Variants in TNNI3K observed in about 807,000 individuals in gnomAD.
TNNI3K encodes serine/threonine-protein kinase TNNI3K.
A neutral mutation model predicts 114.5 loss-of-function variants in TNNI3K; 140 were observed. The observed-to-expected ratio is 1.22, with a 90% CI of 1.07 to 1.41. The LOEUF is 1.41. Among genes scored for constraint, TNNI3K ranks in the 40% most tolerant of loss-of-function variants. TNNI3K has a pLI of 0.00. For missense variants in TNNI3K, 1,125 were observed against 1,007.6 expected (o/e 1.12, Z -1.58); for synonymous variants, 347 against 347.5 (o/e 1.00, Z 0.02).
chr1:74,287,655 T>G (rs553578795), intron 5 of TNNI3K, among the ~76,000 whole-genome samples: 5 of 152,116 alleles, frequency 3.3e-5, no homozygotes, highest in Non-Finnish European at 5.9e-5. Context: ...AGAAAAGCCT[T>G]TTTGAAATTG....
intron 4 of TNNI3K, among the ~76,000 whole-genome samples, chr1:74,257,672 T>C (rs1655406538): frequency 7.3e-6 from 1 of 136,390 alleles, no homozygotes; most frequent in African/African-American, 2.7e-5. Context: ...TCTTTTTTTT[T>C]TTTTTTTTTT....
intron 5 of TNNI3K, among the ~76,000 whole-genome samples, chr1:74,276,894 G>T (rs941639322): frequency 1.3e-5 from 2 of 152,076 alleles, no homozygotes; most frequent in Non-Finnish European, 2.9e-5. Context: ...ACTACAATTT[G>T]GGACTCAGAT....
intron 20 of TNNI3K, among the ~76,000 whole-genome samples, chr1:74,452,867 C>T (rs184359199): frequency 6.6e-6 from 1 of 152,282 alleles, no homozygotes; most frequent in Non-Finnish European, 1.5e-5. Context: ...CATGTGTCCT[C>T]TCACCTCCAT....
intron 17 of TNNI3K, 34 bp downstream of exon 17, chr1:74,370,426 T>C (rs1342451225): frequency 1.3e-6 from 2 of 1,560,288 alleles, no homozygotes; most frequent in African/African-American, 2.7e-5. Flanking sequence ...CTCAGAAGGG[T>C]ATGACTAACT....
chr1:74,397,715 G>A (rs1004437648), intron 17 of TNNI3K, among the ~76,000 whole-genome samples: 4 of 152,198 alleles, frequency 2.6e-5, no homozygotes, highest in East Asian at 1.9e-4. Context: ...GATGGGATGA[G>A]TCTGTTTGTG....
intron 23 of TNNI3K, among the ~76,000 whole-genome samples, chr1:74,520,980 G>A (rs1048036356): frequency 6.6e-6 from 1 of 152,122 alleles, no homozygotes; most frequent in African/African-American, 2.4e-5. Flanking sequence ...GGTCCCTGTG[G>A]CAGTGTAGGG....
intron 20 of TNNI3K, among the ~76,000 whole-genome samples, chr1:74,453,324 G>A (rs1241257898): frequency 1.3e-5 from 2 of 152,140 alleles, no homozygotes. Flanking sequence ...ATTTTTCAAA[G>A]TTGGACAGTT....
Position 74,249,410 on chromosome 1 carries a change from A to G in TNNI3K, c.150-49A>G, listed in dbSNP as rs1034853358. 4 of 1,555,378 alleles carry G rather than the reference A, an allele frequency of 2.6e-6. No homozygotes were observed. The African/African-American group carries it at 4.1e-5, about 16-fold the overall frequency. On this transcript the variant is annotated intron_variant, in intron 2 of 24. Transcript: ENST00000326637. ...ATTTATAATTTTCAAATGAAAGACA[A>G]TATGCTAAAAGATGAATTTTGTGAT...
At chr1:74,489,740 T>A (rs1668955865) in intron 22 of TNNI3K, among the ~76,000 whole-genome samples, 1 of 152,194 alleles carries the variant, frequency 6.6e-6, no homozygotes, top group Non-Finnish European at 1.5e-5. Flanking sequence ...GCTAATGGAA[T>A]TTTCTTGCCT....
intron 11 of TNNI3K, among the ~76,000 whole-genome samples, chr1:74,364,591 T>C (rs540292725): frequency 2.0e-5 from 3 of 151,532 alleles, no homozygotes; most frequent in African/African-American, 4.8e-5. Context: ...GTCCTGTTTG[T>C]TGGAACTGTA....
At chr1:74,312,242 A>G (rs939301011) in intron 5 of TNNI3K, among the ~76,000 whole-genome samples, 3 of 152,232 alleles carry the variant, frequency 2.0e-5, no homozygotes, top group East Asian at 1.9e-4. Flanking sequence ...ATAAATCACT[A>G]TCAGTCTCAT....
chr1:74,290,135 A>G (rs1176772443), intron 5 of TNNI3K, among the ~76,000 whole-genome samples: 1 of 151,770 alleles, frequency 6.6e-6, no homozygotes, highest in Non-Finnish European at 1.5e-5. Flanking sequence ...CCACATCTGC[A>G]GGAATAAACT....
At chr1:74,422,761 C>CA (rs150800698) in intron 17 of TNNI3K, among the ~76,000 whole-genome samples, 3,183 of 150,218 alleles carry the variant, frequency 0.021, 99 homozygotes, top group African/African-American at 0.07. Flanking sequence ...TAAATCAAGA[C>CA]AAAAAAAAAC....
intron 17 of TNNI3K, among the ~76,000 whole-genome samples, chr1:74,389,454 G>A (rs1055655912): frequency 6.6e-6 from 1 of 152,112 alleles, no homozygotes; most frequent in Non-Finnish European, 1.5e-5. Flanking sequence ...ATATGGTAGA[G>A]GGCATTTGGA....
At chr1:74,463,318 CTT>C (rs1373513261) in intron 20 of TNNI3K, 121 bp from the exon 21 acceptor site, 14 of 1,017,458 alleles carry the variant, frequency 1.4e-5, no homozygotes, top group Non-Finnish European at 2.1e-5. Context: ...CTAGAGGTCT[CTT>C]TGAATGTCTG....
chr1:74,256,264 G>A (rs147576096), intron 4 of TNNI3K, among the ~76,000 whole-genome samples: 16 of 126,568 alleles, frequency 1.3e-4, no homozygotes, highest in East Asian at 5.1e-4. Context: ...CATCCTTTCC[G>A]GCACTTGGTG....
chr1:74,393,746 G>A (rs773222788), intron 17 of TNNI3K, among the ~76,000 whole-genome samples: 31 of 152,116 alleles, frequency 2.0e-4, no homozygotes, highest in Admixed American at 1.4e-3. Context: ...GGCCCTGAGG[G>A]GAGGCAAGGC....
At chr1:74,532,663 C>A (rs1332289938) in intron 23 of TNNI3K, among the ~76,000 whole-genome samples, 2 of 142,552 alleles carry the variant, frequency 1.4e-5, no homozygotes, top group Non-Finnish European at 3.0e-5. Context: ...GTGTGATGTT[C>A]CCCTCCCTGT....
rs45624638 is a variant in TNNI3K at position 74,465,145 on chromosome 1, C to T, written c.2121+1595C>T. On this transcript the variant is annotated intron_variant, in intron 21 of 24. Transcript: ENST00000326637. ...CGTGCTAGCAGCCCTCACTCACTCT[C>T]GGGGCCTCCTTGGCCTCGTAGTCCA... 3.3e-3 allele frequency among the ~76,000 whole-genome samples: 499 copies of T among 152,336 alleles called. 4 individuals carry two copies. The highest frequency in any genetic ancestry group is 0.011 in the African/African-American group (445 of 41,576).
Sources: allele counts gnomAD v4.1 joint callset (sites outside exome capture counted in the v4.1 genomes callset), GRCh38; gene constraint gnomAD v4.1.1; transcripts MANE v1.5; gene names NCBI Gene and HGNC (gene_info 2026-07-23, HGNC 2026-07-21).